The following BMPER variants were observed in gnomAD, a reference collection of about 807,000 sequenced individuals.
BMPER encodes the protein BMP binding endothelial regulator, also known as BMP-binding endothelial regulator protein.
Under a neutral mutation model 87.3 loss-of-function variants are expected in BMPER, and 45 were observed. The observed-to-expected ratio is 0.52, with a 90% CI of 0.41 to 0.66. The LOEUF (loss-of-function observed/expected upper bound fraction) is 0.66. Among genes scored for constraint, BMPER ranks in the 30% least tolerant of loss-of-function variants. The pLI is 0.00. For missense variants in BMPER, 784 were observed against 867.5 expected (o/e 0.90, Z 1.21); for synonymous variants, 326 against 316.2 (o/e 1.03, Z -0.33).
At chr7:34,029,527 G>T (rs1463339061) in intron 6 of BMPER, among the ~76,000 whole-genome samples, 1 of 152,032 alleles carries the variant, frequency 6.6e-6, no homozygotes, top group Non-Finnish European at 1.5e-5. Context: ...TGTTTACTCA[G>T]CTCCTTGACC....
chr7:34,151,178 G>C (rs181422062), intron 14 of BMPER, among the ~76,000 whole-genome samples: 43 of 152,298 alleles, frequency 2.8e-4, no homozygotes, highest in African/African-American at 1.0e-3. Context: ...GGGTAAAGAG[G>C]GGGTAGAGGA....
intron 3 of BMPER, among the ~76,000 whole-genome samples, chr7:33,941,163 A>C (rs1784754560): frequency 1.5e-5 from 2 of 136,114 alleles, no homozygotes; most frequent in Admixed American, 1.6e-4. Context: ...TAATTTATAT[A>C]TTATATATTT....
intron 6 of BMPER, among the ~76,000 whole-genome samples, chr7:34,024,451 GT>G (rs1787303936): frequency 1.6e-5 from 1 of 62,714 alleles, no homozygotes; most frequent in African/African-American, 9.9e-5. Flanking sequence ...GAGGGGTATG[GT>G]AAAAAAAAAA....
At chr7:33,912,672 GTA>G (rs1282686531) in intron 2 of BMPER, among the ~76,000 whole-genome samples, 1 of 152,176 alleles carries the variant, frequency 6.6e-6, no homozygotes, top group African/African-American at 2.4e-5. Context: ...TGGCCCTTCT[GTA>G]TAAATGATGA....
At chr7:34,074,437 A>G (rs1193069161) in intron 11 of BMPER, among the ~76,000 whole-genome samples, 1 of 152,186 alleles carries the variant, frequency 6.6e-6, no homozygotes, top group Non-Finnish European at 1.5e-5. Flanking sequence ...GCCTCTTTCT[A>G]TCAGAGGCCT....
At chr7:34,002,755 A>G (rs1226121074) in intron 6 of BMPER, among the ~76,000 whole-genome samples, 1 of 151,550 alleles carries the variant, frequency 6.6e-6, no homozygotes, top group African/African-American at 2.4e-5. Flanking sequence ...TATTATTGTA[A>G]AATGTCTTTC....
chr7:34,104,829 T>C (rs979811363), intron 13 of BMPER, among the ~76,000 whole-genome samples: 1 of 152,186 alleles, frequency 6.6e-6, no homozygotes, highest in Non-Finnish European at 1.5e-5. Flanking sequence ...GACACCATCA[T>C]GGATCTCCCA....
At chr7:33,923,506 ATAATT>A (rs1784284749) in intron 2 of BMPER, among the ~76,000 whole-genome samples, 3 of 152,182 alleles carry the variant, frequency 2.0e-5, no homozygotes, top group Non-Finnish European at 4.4e-5. Flanking sequence ...GGAAGGTGTG[ATAATT>A]AGTAGTAGTG....
At chr7:34,091,511 A>G (rs1159365008) in intron 13 of BMPER, among the ~76,000 whole-genome samples, 1 of 152,190 alleles carries the variant, frequency 6.6e-6, no homozygotes, top group East Asian at 1.9e-4. Flanking sequence ...GTATGCTGAC[A>G]CCAGGTGGCA....
chr7:34,079,531 T>C (rs1387712265), intron 12 of BMPER, among the ~76,000 whole-genome samples: 2 of 152,214 alleles, frequency 1.3e-5, no homozygotes, highest in Non-Finnish European at 2.9e-5. Context: ...TGTTGCTCTT[T>C]TAGGCCGTCG....
rs757238087 is a variant in BMPER, at chr7:34,143,325, T to C, written c.1841T>C (p.Ile614Thr). The C allele has an allele frequency of 1.2e-6, 2 of 1,614,036 alleles. No homozygotes were observed. The highest frequency in any genetic ancestry group is 1.7e-6 in the Non-Finnish European group (2 of 1,179,948). The change falls in exon 14 of 15, where the codon ATC (isoleucine) becomes ACC (threonine). Residue 614 changes from isoleucine to threonine, a missense_variant. Physicochemically the swap from Ile to Thr is moderately conservative, Grantham distance 89. Coordinates refer to ENST00000649409, the MANE Select transcript of BMPER (RefSeq NM_001365308.1). ...ACCCGGGCCTGCCAGAGAGAGGGCATCAAAGTCCACTGGGAGCCTCAGCAG... is the reference window on the plus strand; with the variant it reads ...ACCCGGGCCTGCCAGAGAGAGGGCACCAAAGTCCACTGGGAGCCTCAGCAG... Reference protein sequence around the residue: ...AYTRACQREGIKVHWEPQQNC... With the variant: ...AYTRACQREGTKVHWEPQQNC...
intron 14 of BMPER, among the ~76,000 whole-genome samples, chr7:34,147,202 T>G (rs1425996190): frequency 6.6e-6 from 1 of 152,228 alleles, no homozygotes; most frequent in Non-Finnish European, 1.5e-5. Context: ...CTGCAGCAAC[T>G]CTGCCCTAAT....
intron 13 of BMPER, among the ~76,000 whole-genome samples, chr7:34,091,096 G>A (rs1052565224): frequency 6.6e-6 from 1 of 152,130 alleles, no homozygotes; most frequent in Admixed American, 6.5e-5. Flanking sequence ...CTTCGTGTTG[G>A]ATATACTGGG....
chr7:34,147,096 CTTT>C (rs1791047641), intron 14 of BMPER, among the ~76,000 whole-genome samples: 4 of 152,142 alleles, frequency 2.6e-5, no homozygotes, highest in South Asian at 2.1e-4. Flanking sequence ...GTGTTTTTGT[CTTT>C]CTGTAGCATA....
intron 3 of BMPER, among the ~76,000 whole-genome samples, chr7:33,946,427 A>G (rs1240738811): frequency 6.6e-6 from 1 of 152,206 alleles, no homozygotes; most frequent in African/African-American, 2.4e-5. Flanking sequence ...ATGCGTTTTT[A>G]TGAACAAGTA....
At chr7:34,027,653 T>C (rs1787391865) in intron 6 of BMPER, among the ~76,000 whole-genome samples, 1 of 152,118 alleles carries the variant, frequency 6.6e-6, no homozygotes, top group East Asian at 1.9e-4. Context: ...ATTATGGTTA[T>C]TAAGAATTGA....
At chr7:34,069,502 T>C (rs1171262770) in intron 11 of BMPER, among the ~76,000 whole-genome samples, 1 of 152,190 alleles carries the variant, frequency 6.6e-6, no homozygotes, top group African/African-American at 2.4e-5. Context: ...CTTACCATGT[T>C]CCTATGAATT....
intron 6 of BMPER, among the ~76,000 whole-genome samples, chr7:34,010,362 T>C (rs1299746656): frequency 6.6e-6 from 1 of 152,002 alleles, no homozygotes; most frequent in East Asian, 1.9e-4. Flanking sequence ...ACTTGTATGG[T>C]TTAACTTATT....
intron 13 of BMPER, among the ~76,000 whole-genome samples, chr7:34,129,577 G>GGAGAGACAGAGA (rs1790497873): frequency 2.1e-5 from 1 of 47,718 alleles, no homozygotes; most frequent in African/African-American, 7.6e-5. Context: ...AAGGAAGGAA[G>GGAGAGACAGAGA]GAGAGAGAGA....
Sources: gnomAD v4.1 joint callset for allele counts (sites outside exome capture counted in the v4.1 genomes callset) on GRCh38, gnomAD v4.1.1 for gene constraint, MANE v1.5 for transcripts, NCBI Gene and HGNC (gene_info 2026-07-23, HGNC 2026-07-21) for gene names.